ZC3H12B: variants seen among roughly 807,000 people sequenced by gnomAD.
The protein encoded by ZC3H12B is zinc finger CCCH-type containing 12B.
Under a neutral mutation model 43.9 loss-of-function variants are expected in ZC3H12B, and 7 were observed. The observed-to-expected ratio is 0.16, with a 90% CI of 0.09 to 0.30. The LOEUF is 0.30. Among genes scored for constraint, ZC3H12B ranks in the 10% least tolerant of loss-of-function variants. The probability of loss-of-function intolerance (pLI) is 1.00; values close to 1 mark genes in which losing one functional copy is unlikely to be tolerated. For missense variants in ZC3H12B, 475 were observed against 670.2 expected (o/e 0.71, Z 3.22); for synonymous variants, 222 against 241.7 (o/e 0.92, Z 0.76).
chrX:65,407,937 C>T, intron 3 of ZC3H12B: 1 of 711,006 alleles, frequency 1.4e-6, no homozygotes, highest in Admixed American at 3.9e-5. Flanking sequence ...GCCGGTACGC[C>T]CGGCCTAGCG....
the ZC3H12B span, among the ~76,000 whole-genome samples, chrX:65,290,765 G>A: frequency 6.3e-5 from 7 of 111,221 alleles, no homozygotes; most frequent in African/African-American, 2.3e-4. Flanking sequence ...AAAGACAAAT[G>A]CCACATATTC....
chrX:65,357,594 G>C, the ZC3H12B span: 1 of 112,437 alleles, frequency 8.9e-6, no homozygotes, highest in African/African-American at 3.2e-5. Context: ...AGCCAAACTA[G>C]CTTCATAAGC....
intron 3 of ZC3H12B, among the ~76,000 whole-genome samples, chrX:65,443,151 A>C (rs1292508573): frequency 2.7e-5 from 3 of 111,489 alleles, no homozygotes; most frequent in Non-Finnish European, 5.6e-5. Flanking sequence ...AGTGTGAAAA[A>C]GTTCCAAGGT....
the ZC3H12B span, among the ~76,000 whole-genome samples, chrX:65,294,583 A>G: frequency 8.9e-6 from 1 of 111,860 alleles, no homozygotes. Context: ...GAATTCACCA[A>G]CTATCTGCTA....
At chrX:65,099,817 G>A in the ZC3H12B span, among the ~76,000 whole-genome samples, 2 of 111,322 alleles carry the variant, frequency 1.8e-5, no homozygotes, top group South Asian at 3.8e-4. Context: ...AAACAAGAAA[G>A]CCTCATCTCC....
the ZC3H12B span, among the ~76,000 whole-genome samples, chrX:65,113,985 GTATATATATATATATA>G: frequency 8.4e-3 from 399 of 47,474 alleles, 8 homozygotes; most frequent in African/African-American, 0.014. Context: ...AGATATGCTT[GTATATATATATATATA>G]TATATATATA....
At chrX:65,279,732 G>A in the ZC3H12B span, among the ~76,000 whole-genome samples, 2 of 111,954 alleles carry the variant, frequency 1.8e-5, no homozygotes, top group Non-Finnish European at 3.8e-5. Flanking sequence ...GAATCTAATT[G>A]AACTTAAGAC....
At chrX:65,293,765 G>A in the ZC3H12B span, among the ~76,000 whole-genome samples, 2 of 111,084 alleles carry the variant, frequency 1.8e-5, no homozygotes, top group African/African-American at 6.5e-5. Flanking sequence ...ATCAGAGTTC[G>A]AAGACAAGGC....
chrX:65,178,201 G>C, the ZC3H12B span, among the ~76,000 whole-genome samples: 1 of 112,238 alleles, frequency 8.9e-6, no homozygotes, highest in Non-Finnish European at 1.9e-5. Context: ...GGAAAAACTG[G>C]CTAGCCATAT....
chrX:65,137,276 C>T, the ZC3H12B span, among the ~76,000 whole-genome samples: 9 of 111,816 alleles, frequency 8.0e-5, no homozygotes, highest in South Asian at 3.7e-4. Flanking sequence ...TTTAGAGATG[C>T]CAATATTCAC....
the ZC3H12B span, among the ~76,000 whole-genome samples, chrX:65,036,683 C>G: frequency 1.1e-4 from 12 of 109,135 alleles, no homozygotes; most frequent in Non-Finnish European, 1.5e-4. Context: ...TGACATGCTT[C>G]TAGTTGCTAG....
chrX:65,100,217 C>T, the ZC3H12B span, among the ~76,000 whole-genome samples: 1 of 110,591 alleles, frequency 9.0e-6, no homozygotes, highest in Non-Finnish European at 1.9e-5. Flanking sequence ...ACAAAGCCTC[C>T]AAGAAATATG....
chrX:65,084,122 G>T, the ZC3H12B span, among the ~76,000 whole-genome samples: 1 of 112,047 alleles, frequency 8.9e-6, no homozygotes, highest in Non-Finnish European at 1.9e-5. Context: ...ATGGATGAAA[G>T]ACTTAAATCT....
chrX:65,330,029 C>G, the ZC3H12B span, among the ~76,000 whole-genome samples: 1 of 111,657 alleles, frequency 9.0e-6, no homozygotes, highest in African/African-American at 3.3e-5. Flanking sequence ...CTTGGCAATG[C>G]GGGCTCTTTT....
the ZC3H12B span, among the ~76,000 whole-genome samples, chrX:65,239,709 G>T: frequency 8.9e-6 from 1 of 112,237 alleles, no homozygotes; most frequent in Non-Finnish European, 1.9e-5. Context: ...TGTGGTGGTT[G>T]ATAGCAATTT....
At chrX:65,066,813 G>T in the ZC3H12B span, among the ~76,000 whole-genome samples, 1 of 112,086 alleles carries the variant, frequency 8.9e-6, no homozygotes. Flanking sequence ...TGGGGCTGCT[G>T]CCTTTCTTTC....
At chrX:65,409,869 G>A (rs1248567799) in intron 3 of ZC3H12B, among the ~76,000 whole-genome samples, 1 of 110,442 alleles carries the variant, frequency 9.1e-6, no homozygotes, top group Non-Finnish European at 1.9e-5. Context: ...ATCAATATTG[G>A]TAAAATATTC....
the ZC3H12B span, among the ~76,000 whole-genome samples, chrX:65,344,915 A>G: frequency 8.9e-6 from 1 of 112,467 alleles, no homozygotes. Flanking sequence ...GACACTTTTT[A>G]AAAGACATAC....
chrX:65,429,647 C>G (rs1408358222), intron 3 of ZC3H12B, among the ~76,000 whole-genome samples: 1 of 111,947 alleles, frequency 8.9e-6, no homozygotes, highest in African/African-American at 3.2e-5. Flanking sequence ...ACTGAAGAGA[C>G]TGTTCACCAT....
Sources: gnomAD v4.1 joint callset for allele counts (sites outside exome capture counted in the v4.1 genomes callset) on GRCh38, gnomAD v4.1.1 for gene constraint, MANE v1.5 for transcripts, NCBI Gene and HGNC (gene_info 2026-07-23, HGNC 2026-07-21) for gene names.